RASEF: variants seen among roughly 807,000 people sequenced by gnomAD.
RASEF encodes RAS and EF-hand domain containing, also known as ras and EF-hand domain-containing protein.
A neutral mutation model predicts 90.1 loss-of-function variants in RASEF; 68 were observed. The observed-to-expected ratio is 0.75, with a 90% confidence interval of 0.62 to 0.92. The LOEUF is 0.92. Among genes scored for constraint, RASEF ranks in the 40% least tolerant of loss-of-function variants. The pLI, the probability that RASEF is intolerant of heterozygous loss-of-function variation, is 0.00. For missense variants in RASEF, 949 were observed against 937.2 expected (o/e 1.01, Z -0.16); for synonymous variants, 331 against 345.2 (o/e 0.96, Z 0.46).
intron 1 of RASEF, among the ~76,000 whole-genome samples, chr9:83,061,622 C>T (rs1830200723): frequency 6.6e-6 from 1 of 152,224 alleles, no homozygotes; most frequent in Non-Finnish European, 1.5e-5. Flanking sequence ...CTGAGCCTCT[C>T]TCCCTCCAGG....
chr9:83,092,767 T>C, the RASEF span, among the ~76,000 whole-genome samples: 2 of 152,138 alleles, frequency 1.3e-5, no homozygotes, highest in African/African-American at 4.8e-5. Context: ...AGCCCAGTGG[T>C]CTGCTTTGAC....
At chr9:83,122,530 C>G in the RASEF span, among the ~76,000 whole-genome samples, 2 of 152,140 alleles carry the variant, frequency 1.3e-5, no homozygotes, top group East Asian at 1.9e-4. Flanking sequence ...CTGGCTCCCC[C>G]ACTCCTTGTG....
intron 12 of RASEF, among the ~76,000 whole-genome samples, chr9:82,999,752 C>T (rs1828989290): frequency 6.6e-6 from 1 of 151,874 alleles, no homozygotes; most frequent in African/African-American, 2.4e-5. Flanking sequence ...AACCAGCACC[C>T]ACCAGCATGC....
chr9:83,062,552 C>T lies in RASEF; in HGVS notation c.316G>A (p.Glu106Lys), dbSNP rs1830228818. The T allele has an allele frequency of 5.6e-6, 9 of 1,601,144 alleles. No individual in the cohort carries two copies. Among genetic ancestry groups the T allele is most frequent in the Non-Finnish European group, 7.7e-6 (9 of 1,174,246 alleles). ...GCCGCCGCCGCGTCCTCGTCGCCTT[C>T]GTCCTCCTCGCTGTCGTGTGTCTCC... ...GPETHDSEED[E>K]GDEDAAAALA... The change falls in exon 1 of 17, where the codon GAA (glutamate) becomes AAA (lysine). Residue 106 changes from glutamate to lysine, a missense_variant. Physicochemically the swap from Glu to Lys is moderately conservative, Grantham distance 56. Transcript: ENST00000376447.
At chr9:83,114,831 A>T in the RASEF span, among the ~76,000 whole-genome samples, 1 of 152,194 alleles carries the variant, frequency 6.6e-6, no homozygotes. Context: ...CTGAAACTTC[A>T]TTAGCAATTT....
rs748356184 is a variant in RASEF, at chr9:83,000,419, C to T, written c.1575+14G>A. ...GCAGTGTTCATGAATAGGAGTGTCT[C>T]GGAGACCACCTACCTGGGGCGAGAG... On this transcript the variant is annotated intron_variant, in intron 11 of 16. Coordinates refer to ENST00000376447, the MANE Select transcript of RASEF (RefSeq NM_152573.4). 3.1e-6 allele frequency: 5 copies of T among 1,612,914 alleles called. No individual in the cohort carries two copies. Among genetic ancestry groups the T allele is most frequent in the South Asian group, 1.1e-5 (1 of 90,988 alleles).
At chr9:83,117,088 C>T in the RASEF span, among the ~76,000 whole-genome samples, 1 of 149,556 alleles carries the variant, frequency 6.7e-6, no homozygotes, top group Non-Finnish European at 1.5e-5. Context: ...ACAATTCAAA[C>T]TAATTCTTGA....
At chr9:83,107,786 G>C in the RASEF span, among the ~76,000 whole-genome samples, 2 of 152,114 alleles carry the variant, frequency 1.3e-5, no homozygotes, top group African/African-American at 4.8e-5. Flanking sequence ...AAATATTCCT[G>C]CCTCTTCTTG....
the RASEF span, among the ~76,000 whole-genome samples, chr9:83,101,418 A>G: frequency 6.6e-6 from 1 of 152,220 alleles, no homozygotes; most frequent in Non-Finnish European, 1.5e-5. Flanking sequence ...TTTTGTGAAG[A>G]CTGATAAAGA....
the RASEF span, among the ~76,000 whole-genome samples, chr9:83,159,578 T>C: frequency 6.6e-6 from 1 of 152,226 alleles, no homozygotes; most frequent in Non-Finnish European, 1.5e-5. Flanking sequence ...GTTTGAAATG[T>C]CAACTTATTG....
chr9:83,004,455 G>T, intron 9 of RASEF, 43 bp downstream of exon 9: 2 of 1,200,566 alleles, frequency 1.7e-6, no homozygotes, highest in Non-Finnish European at 1.2e-6. Context: ...CCTTTTAACT[G>T]TGATTCTGAA....
the RASEF span, among the ~76,000 whole-genome samples, chr9:83,147,943 G>T: frequency 3.9e-5 from 6 of 152,154 alleles, no homozygotes; most frequent in East Asian, 1.2e-3. Flanking sequence ...CTTCTCTGCT[G>T]TGCTGCTCTT....
the RASEF span, among the ~76,000 whole-genome samples, chr9:83,121,281 G>T: frequency 6.6e-6 from 1 of 151,776 alleles, no homozygotes; most frequent in East Asian, 1.9e-4. Flanking sequence ...ATATATAGAT[G>T]GTGTGCATAT....
the RASEF span, among the ~76,000 whole-genome samples, chr9:83,205,775 T>C: frequency 2.6e-5 from 4 of 152,220 alleles, no homozygotes; most frequent in African/African-American, 9.6e-5. Context: ...ATTGCCAATG[T>C]TGAAATGTTT....
At position 83,053,507 on chromosome 9, in the gene RASEF, G is replaced by A. The variant is rs910211521; in HGVS notation, c.431+8930C>T. ...TCCTGACTCTTTATCCAATTTGCCA[G>A]TCTGTGTCTTTTAATTGCAGAATTT... On this transcript the variant is annotated intron_variant, in intron 1 of 16. Transcript: ENST00000376447. Among the ~76,000 whole-genome samples, 5 of 133,938 alleles carry A rather than the reference G, an allele frequency of 3.7e-5. 1 individual carries two copies. The highest frequency in any genetic ancestry group is 1.7e-4 in the African/African-American group (5 of 29,458). 87.9% of individuals were successfully genotyped at this position (133,938 alleles called of 152,430 possible). A position where few individuals can be genotyped will look rare whatever the true frequency, so the allele number is the denominator to read the frequency against.
intron 16 of RASEF, among the ~76,000 whole-genome samples, chr9:82,985,672 A>C (rs1828697905): frequency 6.6e-6 from 1 of 152,226 alleles, no homozygotes; most frequent in African/African-American, 2.4e-5. Flanking sequence ...CTGAGGCAGA[A>C]ATTCTTGCAC....
intron 14 of RASEF, among the ~76,000 whole-genome samples, chr9:82,996,549 A>G (rs1341069238): frequency 1.3e-5 from 2 of 152,170 alleles, no homozygotes; most frequent in Admixed American, 6.5e-5. Flanking sequence ...CTACCAGAAT[A>G]AGGTTGAGAA....
chr9:83,020,007 TG>T (rs1419179901), intron 3 of RASEF, among the ~76,000 whole-genome samples: 31 of 152,304 alleles, frequency 2.0e-4, no homozygotes, highest in Admixed American at 2.0e-3. Context: ...ATCTTGCCTG[TG>T]GGAATGGTTT....
the RASEF span, among the ~76,000 whole-genome samples, chr9:83,144,391 G>GAAAGAAAGGAAAGAAAGAAAGAAAGAAA: frequency 7.8e-4 from 26 of 33,150 alleles, no homozygotes; most frequent in Non-Finnish European, 1.2e-3. Context: ...AAGAAAGAAA[G>GAAAGAAAGGAAAGAAAGAAAGAAAGAAA]GAAAGAAAGA....
Sources: allele counts gnomAD v4.1 joint callset (sites outside exome capture counted in the v4.1 genomes callset), GRCh38; gene constraint gnomAD v4.1.1; transcripts MANE v1.5; gene names NCBI Gene and HGNC (gene_info 2026-07-23, HGNC 2026-07-21).